MRPL1: variants seen among roughly 807,000 people sequenced by gnomAD.
MRPL1 encodes large ribosomal subunit protein uL1m.
In MRPL1, 28 loss-of-function variants were observed where a neutral mutation model predicts 38.0. That is an observed-to-expected ratio of 0.74 (90% confidence interval 0.55 to 1.01). The LOEUF is 1.01. Among genes scored for constraint, MRPL1 ranks in the 50% least tolerant of loss-of-function variants. MRPL1 has a pLI of 0.00. For synonymous variants in MRPL1, 123 were observed against 126.7 expected (o/e 0.97, Z 0.20); for missense variants, 358 against 389.8 (o/e 0.92, Z 0.69).
intron 7 of MRPL1, among the ~76,000 whole-genome samples, chr4:77,917,265 A>AC (rs1407536434): frequency 1.3e-5 from 2 of 152,194 alleles, no homozygotes; most frequent in East Asian, 3.9e-4. Context: ...ACTCACCCCT[A>AC]CCATCACCTG....
intron 7 of MRPL1, among the ~76,000 whole-genome samples, chr4:77,912,880 A>G (rs1736320804): frequency 6.6e-6 from 1 of 152,176 alleles, no homozygotes; most frequent in Non-Finnish European, 1.5e-5. Context: ...TCCAGAAAGA[A>G]AGACAAAACA....
At chr4:77,871,648 A>T in intron 1 of MRPL1, 96 bp from the exon 2 acceptor site, 1 of 595,734 alleles carries the variant, frequency 1.7e-6, no homozygotes, top group East Asian at 3.3e-5. Context: ...CAAAATATTG[A>T]ATGTTTTCAT....
At position 77,864,835 on chromosome 4, in the gene MRPL1, A is replaced by G. The variant is rs922531909; in HGVS notation, c.31+1956A>G. 3 of 151,762 alleles carry G rather than the reference A, an allele frequency of 2.0e-5. No homozygotes were observed. The East Asian group carries it at 5.8e-4, about 29-fold the overall frequency. The allele number at this position is 151,762 out of a possible 1,614,324, so 9.4% of individuals were successfully genotyped here. A position where few individuals can be genotyped will look rare whatever the true frequency, so the allele number is the denominator to read the frequency against. ...CTGTTCTTTTTAGGTATTAGCCTCA[A>G]TACCAGCATTCTTCCTGGCTGTTGG... On this transcript the variant is annotated intron_variant, in intron 1 of 8. Transcript: ENST00000315567.
rs771582956 is a variant in MRPL1, at chr4:77,894,178, G to C, written c.598G>C (p.Val200Leu). 6.9e-6 allele frequency: 11 copies of C among 1,604,706 alleles called. No individual in the cohort carries two copies. Among genetic ancestry groups the C allele is most frequent in the Non-Finnish European group, 8.5e-6 (10 of 1,176,124 alleles). The change falls in exon 6 of 9, where the codon GTT becomes CTT. Residue 200 changes from valine (V) to leucine (L), a missense_variant. Coordinates refer to ENST00000315567, the MANE Select transcript of MRPL1 (RefSeq NM_020236.4). Reference protein sequence around the residue: ...DEIVADFYVAVPEIMPELNRL... With the variant: ...DEIVADFYVALPEIMPELNRL... ...AATTGTTGCAGACTTTTACGTAGCT[G>C]TTCCAGAAATAATGCCTGAACTTAA...
intron 6 of MRPL1, among the ~76,000 whole-genome samples, chr4:77,904,979 A>C (rs553214911): frequency 1.3e-5 from 2 of 152,340 alleles, no homozygotes; most frequent in South Asian, 4.1e-4. Flanking sequence ...CTATAGAAGA[A>C]AAAATTGCTA....
intron 6 of MRPL1, among the ~76,000 whole-genome samples, chr4:77,898,392 TTGAATGAATGAA>T (rs35144776): frequency 0.02 from 3,068 of 150,942 alleles, 98 homozygotes; most frequent in African/African-American, 0.071. Context: ...CTACAAATAT[TTGAATGAATGAA>T]TGAATGAATG....
intron 7 of MRPL1, among the ~76,000 whole-genome samples, chr4:77,941,633 A>G (rs1261471574): frequency 6.6e-6 from 1 of 152,142 alleles, no homozygotes; most frequent in Admixed American, 6.5e-5. Context: ...GAATTTATCC[A>G]TCTCTTCTAG....
intron 7 of MRPL1, among the ~76,000 whole-genome samples, chr4:77,931,500 A>G (rs1736842733): frequency 6.6e-6 from 1 of 152,230 alleles, no homozygotes; most frequent in Admixed American, 6.5e-5. Context: ...TCACTGTGAC[A>G]CACAATCCAG....
intron 1 of MRPL1, among the ~76,000 whole-genome samples, chr4:77,865,425 C>CT (rs1485150524): frequency 4.8e-5 from 7 of 145,826 alleles, no homozygotes; most frequent in African/African-American, 1.6e-4. Context: ...ATATCCTTGA[C>CT]TCTTTTTTTT....
rs1735047288 is a variant in MRPL1, at chr4:77,863,322, A to G, written c.31+443A>G. Reference sequence around the variant, plus strand: ...TTCGTTATAGGCGATTCCAGTTCTTAAACTTCCATAGGTGGTCTAATTTGG... The same window carrying G: ...TTCGTTATAGGCGATTCCAGTTCTTGAACTTCCATAGGTGGTCTAATTTGG... On this transcript the variant is annotated intron_variant, in intron 1 of 8. Transcript: ENST00000315567. Among the ~76,000 whole-genome samples, 4 of 152,086 alleles carry G rather than the reference A, an allele frequency of 2.6e-5. No individual in the cohort carries two copies. The South Asian group carries it at 6.2e-4, about 24-fold the overall frequency.
At chr4:77,938,252 G>A (rs3860617) in intron 7 of MRPL1, among the ~76,000 whole-genome samples, 22,514 of 152,220 alleles carry the variant, frequency 0.15, 1,994 homozygotes, top group South Asian at 0.24. Context: ...GGCCTGCAAA[G>A]CCTAAAATAT....
chr4:77,868,379 A>G (rs950516388), intron 1 of MRPL1, among the ~76,000 whole-genome samples: 3 of 152,032 alleles, frequency 2.0e-5, no homozygotes, highest in Non-Finnish European at 4.4e-5. Flanking sequence ...AGCTGGGATT[A>G]CAGGAGCATG....
chr4:77,868,154 C>T (rs28439900), intron 1 of MRPL1, among the ~76,000 whole-genome samples: 1 of 151,424 alleles, frequency 6.6e-6, no homozygotes, highest in African/African-American at 2.4e-5. Context: ...CCTCTGCTTC[C>T]CAGCTTCAAG....
intron 7 of MRPL1, among the ~76,000 whole-genome samples, chr4:77,914,488 C>G (rs1044167649): frequency 6.6e-6 from 1 of 151,952 alleles, no homozygotes; most frequent in Non-Finnish European, 1.5e-5. Flanking sequence ...TAATTAAAAA[C>G]GTGCAGTATG....
intron 1 of MRPL1, among the ~76,000 whole-genome samples, chr4:77,870,448 A>G (rs1261462620): frequency 6.6e-6 from 1 of 152,224 alleles, no homozygotes; most frequent in Non-Finnish European, 1.5e-5. Flanking sequence ...TTATAAACTG[A>G]TATGAAGTGA....
intron 6 of MRPL1, among the ~76,000 whole-genome samples, chr4:77,901,922 A>G (rs578029763): frequency 1.3e-5 from 2 of 152,358 alleles, no homozygotes; most frequent in Admixed American, 1.3e-4. Context: ...TCACCATGGT[A>G]GACCATTTGC....
chr4:77,894,273 A>C, intron 6 of MRPL1, 23 bp downstream of exon 6: 1 of 1,394,206 alleles, frequency 7.2e-7, no homozygotes, highest in Non-Finnish European at 1.0e-6. Flanking sequence ...CTATTATTTC[A>C]ATATCCTGTC....
intron 7 of MRPL1, 35 bp downstream of exon 7, chr4:77,909,407 T>C (rs1013528089): frequency 7.8e-7 from 1 of 1,276,426 alleles, no homozygotes; most frequent in Admixed American, 2.0e-5. Flanking sequence ...ATAATCCTCT[T>C]TTTTTGTTGT....
At chr4:77,888,969 A>G (rs1339148194) in intron 5 of MRPL1, among the ~76,000 whole-genome samples, 1 of 152,212 alleles carries the variant, frequency 6.6e-6, no homozygotes, top group African/African-American at 2.4e-5. Flanking sequence ...AGGGGCACCC[A>G]GATTCATAAA....
Sources: allele counts gnomAD v4.1 joint callset (sites outside exome capture counted in the v4.1 genomes callset), GRCh38; gene constraint gnomAD v4.1.1; transcripts MANE v1.5; gene names NCBI Gene and HGNC (gene_info 2026-07-23, HGNC 2026-07-21).